KIF3C: variants seen among roughly 807,000 people sequenced by gnomAD.
The protein encoded by KIF3C is kinesin-like protein KIF3C.
KIF3C carries 12 observed loss-of-function variants against 67.7 expected under a neutral mutation model. The observed-to-expected ratio is 0.18, with a 90% CI of 0.11 to 0.29. The LOEUF (loss-of-function observed/expected upper bound fraction) is 0.29, where lower values mean the gene tolerates loss of function less well. Among genes scored for constraint, KIF3C ranks in the 10% least tolerant of loss-of-function variants. The pLI, the probability that KIF3C is intolerant of heterozygous loss-of-function variation, is 1.00. For missense variants in KIF3C, 789 were observed against 1,059.6 expected (o/e 0.74, Z 3.55); for synonymous variants, 393 against 426.2 (o/e 0.92, Z 0.96).
Position 25,974,138 on chromosome 2 carries a change from C to T in KIF3C, c.1545+6235G>A, listed in dbSNP as rs143385717. 7.1e-3 allele frequency among the ~76,000 whole-genome samples: 1,079 copies of T among 151,576 alleles called. 16 individuals carry two copies. The highest frequency in any genetic ancestry group is 0.025 in the African/African-American group (1,030 of 41,284). Reference sequence around the variant, plus strand: ...AGGCTGGAGTGCAGTGGTGTGATCTCGGCTCACTGCAACCTCTGCCTCCCG... The same window carrying T: ...AGGCTGGAGTGCAGTGGTGTGATCTTGGCTCACTGCAACCTCTGCCTCCCG... On this transcript the variant is annotated intron_variant, in intron 1 of 7. Transcript: ENST00000264712.
chr2:25,963,006 TATATAATATATATAATATATA>T lies in KIF3C; in HGVS notation c.1546-6583_1546-6563del, dbSNP rs1559555488. Among the ~76,000 whole-genome samples the T allele has an allele frequency of 8.5e-3, 406 of 47,718 alleles. 53 individuals carry two copies. The highest frequency in any genetic ancestry group is 0.049 in the African/African-American group (383 of 7,874). 31.3% of individuals were successfully genotyped at this position (47,718 alleles called of 152,430 possible). On this transcript the variant is annotated intron_variant, in intron 1 of 7. Coordinates refer to ENST00000264712, the MANE Select transcript of KIF3C (RefSeq NM_002254.8). ...AATATATAATATATATAATATATAA[TATATAATATATATAATATATA>T]ATATATAATATATAATATATAAATA...
In KIF3C at chr2:25,982,156, C is replaced by G; in HGVS notation, c.-239G>C. 2.3e-6 allele frequency: 1 copy of G among 439,750 alleles called. No individual in the cohort carries two copies. Among genetic ancestry groups the G allele is most frequent in the Non-Finnish European group, 4.0e-6 (1 of 250,182 alleles). The allele number at this position is 439,750 out of a possible 1,614,324, so 27.2% of individuals were successfully genotyped here. ...GGGAGGTGAATTAGGCAGAATCCCC[C>G]AGTCGCCGCGGGAGCAGCGCCTGCC... On this transcript the variant is annotated 5_prime_UTR_variant, in exon 1 of 8. Coordinates refer to ENST00000264712, the MANE Select transcript of KIF3C (RefSeq NM_002254.8).
At chr2:25,929,900 G>T in intron 6 of KIF3C, 55 bp downstream of exon 6, 1 of 1,255,408 alleles carries the variant, frequency 8.0e-7, no homozygotes. Context: ...ACAGGTGTGA[G>T]ACACCTCGCC....
chr2:25,982,450 TGCCTCC>T lies in KIF3C; in HGVS notation c.-539_-534del. On this transcript the variant is annotated 5_prime_UTR_variant, in exon 1 of 8. Transcript: ENST00000264712. Reference sequence around the variant, plus strand: ...CAGCCAGCGCGGCTGCTGCTGCCTCTGCCTCCGCCTTCCCCGCCGCCGCCACTGGAG... The same window carrying T: ...CAGCCAGCGCGGCTGCTGCTGCCTCTGCCTTCCCCGCCGCCGCCACTGGAG... 1 of 398,642 alleles carries T rather than the reference TGCCTCC, an allele frequency of 2.5e-6. No homozygotes were observed. Among genetic ancestry groups the T allele is most frequent in the Non-Finnish European group, 4.4e-6 (1 of 226,124 alleles). 24.7% of individuals were successfully genotyped at this position (398,642 alleles called of 1,614,324 possible). A position where few individuals can be genotyped will look rare whatever the true frequency, so the allele number is the denominator to read the frequency against.
chr2:25,937,357 G>T (rs569243337), intron 5 of KIF3C, among the ~76,000 whole-genome samples: 2 of 152,270 alleles, frequency 1.3e-5, no homozygotes, highest in East Asian at 3.9e-4. Context: ...AAAAGGTGCC[G>T]TACCCCATTA....
intron 1 of KIF3C, among the ~76,000 whole-genome samples, chr2:25,960,572 CA>C: frequency 6.6e-6 from 1 of 152,252 alleles, no homozygotes; most frequent in East Asian, 1.9e-4. Context: ...GGACTTAGCA[CA>C]CTGCTTGGCA....
intron 5 of KIF3C, chr2:25,934,188 T>A: frequency 2.1e-6 from 1 of 470,774 alleles, no homozygotes; most frequent in Non-Finnish European, 4.4e-6. Flanking sequence ...AAACAGAAAG[T>A]AGATTGGCAG....
At chr2:25,941,969 A>G (rs1338766285) in intron 5 of KIF3C, among the ~76,000 whole-genome samples, 5 of 150,106 alleles carry the variant, frequency 3.3e-5, no homozygotes, top group East Asian at 2.0e-4. Flanking sequence ...CCTGGGAGGC[A>G]GAGGTTTCAG....
At chr2:25,961,470 G>C (rs1660760664) in intron 1 of KIF3C, among the ~76,000 whole-genome samples, 1 of 152,178 alleles carries the variant, frequency 6.6e-6, no homozygotes, top group Non-Finnish European at 1.5e-5. Flanking sequence ...AATGGCAGAT[G>C]AGCATCAATT....
At chr2:25,933,852 C>T (rs893085886) in intron 5 of KIF3C, among the ~76,000 whole-genome samples, 2 of 152,054 alleles carry the variant, frequency 1.3e-5, no homozygotes, top group Admixed American at 1.3e-4. Context: ...TAACCCAGCA[C>T]TTCCACTACT....
Position 25,929,332 on chromosome 2 carries a change from G to A in KIF3C, c.2261C>T (p.Thr754Met), listed in dbSNP as rs781278423. 31 of 1,614,026 alleles carry A rather than the reference G, an allele frequency of 1.9e-5. No individual in the cohort carries two copies. Among genetic ancestry groups the A allele is most frequent in the Non-Finnish European group, 2.3e-5 (27 of 1,180,018 alleles). The change falls in exon 7 of 8, where the codon ACG (threonine) becomes ATG (methionine). Residue 754 changes from threonine to methionine, a missense_variant. Physicochemically the swap from Thr to Met is moderately conservative, Grantham distance 81. Transcript: ENST00000264712. ...GGATCTGGACTTTCGGACTTTAGAC[G>A]TGGAAGGTCTTTCCAGAAAGCTGTC... is the stretch of plus-strand genomic sequence containing the variant. ...RLDSFLERPS[T>M]SKVRKSRSWC...
chr2:25,979,812 C>T (rs553034163), intron 1 of KIF3C, among the ~76,000 whole-genome samples: 1 of 152,128 alleles, frequency 6.6e-6, no homozygotes, highest in South Asian at 2.1e-4. Flanking sequence ...ACCTTGGTCA[C>T]GTCACTTCTC....
intron 1 of KIF3C, among the ~76,000 whole-genome samples, chr2:25,968,716 G>A (rs1664204247): frequency 6.6e-6 from 1 of 152,118 alleles, no homozygotes; most frequent in African/African-American, 2.4e-5. Flanking sequence ...AGTCAAGGCT[G>A]GGTCATTCCT....
chr2:25,971,901 C>CTTTTTTTTTTTTTTTT (rs1173656634), intron 1 of KIF3C, among the ~76,000 whole-genome samples: 88 of 55,114 alleles, frequency 1.6e-3, no homozygotes, highest in African/African-American at 2.0e-3. Context: ...TTTTTTTTTA[C>CTTTTTTTTTTTTTTTT]TTTTTTGTAG....
chr2:25,962,932 C>CATAATATATAAT (rs1664012157), intron 1 of KIF3C, among the ~76,000 whole-genome samples: 1 of 36,588 alleles, frequency 2.7e-5, no homozygotes, highest in East Asian at 4.8e-4. Context: ...ATATATAATA[C>CATAATATATAAT]ATATAATATA....
At chr2:25,965,162 C>G (rs1664107859) in intron 1 of KIF3C, among the ~76,000 whole-genome samples, 1 of 152,176 alleles carries the variant, frequency 6.6e-6, no homozygotes, top group African/African-American at 2.4e-5. Flanking sequence ...CAGTCACTGG[C>G]CAAGTCTTGC....
intron 5 of KIF3C, among the ~76,000 whole-genome samples, chr2:25,941,750 G>A (rs1317738546): frequency 6.6e-6 from 1 of 152,062 alleles, no homozygotes; most frequent in Non-Finnish European, 1.5e-5. Context: ...AAATTAGTCA[G>A]GCATGGTGGC....
chr2:25,941,086 A>C (rs2149225841), intron 5 of KIF3C, among the ~76,000 whole-genome samples: 1 of 152,004 alleles, frequency 6.6e-6, no homozygotes, highest in South Asian at 2.1e-4. Context: ...ACTTGAGCTC[A>C]GGAGTTCGAG....
intron 5 of KIF3C, among the ~76,000 whole-genome samples, chr2:25,940,374 C>A (rs1194599938): frequency 6.6e-6 from 1 of 151,902 alleles, no homozygotes; most frequent in East Asian, 2.0e-4. Context: ...GGTTTGAGAC[C>A]AGCCTGGCCA....
Sources: allele counts gnomAD v4.1 joint callset (sites outside exome capture counted in the v4.1 genomes callset), GRCh38; gene constraint gnomAD v4.1.1; transcripts MANE v1.5; gene names NCBI Gene and HGNC (gene_info 2026-07-23, HGNC 2026-07-21).